Variants in PTPN9 observed in about 807,000 individuals in gnomAD.
The protein encoded by PTPN9 is tyrosine-protein phosphatase non-receptor type 9.
A neutral mutation model predicts 69.8 loss-of-function variants in PTPN9; 26 were observed. The ratio of observed to expected loss-of-function variants is 0.37; its 90% CI spans 0.27 to 0.52. The LOEUF is 0.52. Among genes scored for constraint, PTPN9 ranks in the 20% least tolerant of loss-of-function variants. The pLI is 0.91. For missense variants in PTPN9, 549 were observed against 740.3 expected, an observed-to-expected ratio of 0.74 and a Z score of 3.00; for synonymous variants, 274 against 272.5, an observed-to-expected ratio of 1.01 and a Z score of -0.05.
At chr15:75,561,050 C>T (rs2075102153) in intron 1 of PTPN9, among the ~76,000 whole-genome samples, 1 of 151,120 alleles carries the variant, frequency 6.6e-6, no homozygotes. Context: ...GGCATGGCGG[C>T]CCATGCCTGT....
At chr15:75,484,591 C>T (rs940209656) in intron 8 of PTPN9, among the ~76,000 whole-genome samples, 1 of 152,256 alleles carries the variant, frequency 6.6e-6, no homozygotes, top group East Asian at 1.9e-4. Context: ...TTGATCCAGG[C>T]TGATAAAAGA....
rs572972482 is a variant in PTPN9 at position 75,515,943 on chromosome 15, A to T, written c.528+1316T>A. On this transcript the variant is annotated intron_variant, in intron 5 of 12. Transcript: ENST00000618819. Reference sequence around the variant, plus strand: ...AAAATAAAACAAAATAAAATAAAAAATAAATTTTAAAGAGTACATAGAGAT... The same window carrying T: ...AAAATAAAACAAAATAAAATAAAAATTAAATTTTAAAGAGTACATAGAGAT... 3.2e-3 allele frequency among the ~76,000 whole-genome samples: 484 copies of T among 152,206 alleles called. 1 individual carries two copies. Among genetic ancestry groups the T allele is most frequent in the African/African-American group, 0.011 (457 of 41,578 alleles).
At chr15:75,566,115 C>CA (rs900612672) in intron 1 of PTPN9, among the ~76,000 whole-genome samples, 1 of 151,408 alleles carries the variant, frequency 6.6e-6, no homozygotes, top group African/African-American at 2.4e-5. Flanking sequence ...AGCAGATCTC[C>CA]AAAAAACTTA....
intron 5 of PTPN9, among the ~76,000 whole-genome samples, chr15:75,510,899 C>A (rs560588354): frequency 6.6e-6 from 1 of 151,594 alleles, no homozygotes; most frequent in Admixed American, 6.6e-5. Context: ...TCCCTAGTAA[C>A]CTTGGTTCTA....
At chr15:75,480,739 G>A in intron 8 of PTPN9, 1 of 1,295,286 alleles carries the variant, frequency 7.7e-7, no homozygotes. Flanking sequence ...GCGGGCAGCG[G>A]AGCTGTCTCA....
intron 8 of PTPN9, among the ~76,000 whole-genome samples, chr15:75,481,809 C>A (rs1449952938): frequency 7.6e-6 from 1 of 131,978 alleles, no homozygotes; most frequent in African/African-American, 2.8e-5. Flanking sequence ...GCCCGGCCAG[C>A]CGCCCCGTCC....
intron 5 of PTPN9, among the ~76,000 whole-genome samples, chr15:75,516,590 G>T (rs1157210873): frequency 6.6e-6 from 1 of 151,608 alleles, no homozygotes. Context: ...GAGATTACTG[G>T]TGTAAGCCAC....
intron 7 of PTPN9, among the ~76,000 whole-genome samples, chr15:75,493,063 GA>G (rs994648985): frequency 5.3e-5 from 8 of 152,166 alleles, no homozygotes; most frequent in African/African-American, 1.7e-4. Flanking sequence ...GCTGAGGTAG[GA>G]GGATCACCTA....
chr15:75,512,091 C>T (rs989867764), intron 5 of PTPN9, among the ~76,000 whole-genome samples: 1 of 152,142 alleles, frequency 6.6e-6, no homozygotes. Flanking sequence ...GTGATCCGCC[C>T]ATCTTGGCCT....
At chr15:75,548,595 G>A (rs541517218) in intron 1 of PTPN9, among the ~76,000 whole-genome samples, 1 of 151,060 alleles carries the variant, frequency 6.6e-6, no homozygotes, top group Admixed American at 6.6e-5. Context: ...ACAGATGGTG[G>A]TATTGCTTTT....
intron 7 of PTPN9, among the ~76,000 whole-genome samples, chr15:75,504,292 C>CGGGA (rs2074799841): frequency 2.4e-5 from 3 of 125,784 alleles, no homozygotes; most frequent in Admixed American, 7.7e-5. Flanking sequence ...CCGCCCCGTC[C>CGGGA]GGGAGGTGAG....
intron 7 of PTPN9, among the ~76,000 whole-genome samples, chr15:75,504,464 G>A (rs1179241994): frequency 2.7e-5 from 3 of 111,444 alleles, no homozygotes; most frequent in Admixed American, 8.5e-5. Context: ...CCAGCCGCCC[G>A]GTCCGGGAGG....
chr15:75,490,187 A>C, intron 8 of PTPN9, 21 bp downstream of exon 8: 1 of 1,562,930 alleles, frequency 6.4e-7, no homozygotes, highest in Non-Finnish European at 8.8e-7. Context: ...GCACCTAAAA[A>C]GATTACATTT....
chr15:75,537,443 TAAAAAAAAA>T (rs71140168), intron 1 of PTPN9, among the ~76,000 whole-genome samples: 3 of 20,344 alleles, frequency 1.5e-4, no homozygotes, highest in Non-Finnish European at 2.5e-4. Flanking sequence ...ATATCTTCCC[TAAAAAAAAA>T]AAAAAAAAAA....
At chr15:75,496,428 A>T (rs1397333977) in intron 7 of PTPN9, among the ~76,000 whole-genome samples, 1 of 152,086 alleles carries the variant, frequency 6.6e-6, no homozygotes, top group African/African-American at 2.4e-5. Context: ...GAGTAGTCAA[A>T]ATGAAAGTGG....
At position 75,465,745 on chromosome 15, in the gene PTPN9, A is replaced by G. The variant is rs2141666340; in HGVS notation, c.*3024T>C. 6.6e-6 allele frequency: 1 copy of G among 152,366 alleles called. No individual in the cohort carries two copies. Among genetic ancestry groups the G allele is most frequent in the South Asian group, 2.1e-4 (1 of 4,830 alleles). 9.4% of individuals were successfully genotyped at this position (152,366 alleles called of 1,614,324 possible). A position where few individuals can be genotyped will look rare whatever the true frequency, so the allele number is the denominator to read the frequency against. On this transcript the variant is annotated 3_prime_UTR_variant, in exon 13 of 13. Transcript: ENST00000618819. ...ATTTTATGGAGCTGAAGTGATAGAT[A>G]ACCTCACCAGTCTTCAGATATGCAA...
intron 1 of PTPN9, among the ~76,000 whole-genome samples, chr15:75,537,030 G>C (rs531351733): frequency 4.6e-5 from 7 of 152,158 alleles, no homozygotes; most frequent in Non-Finnish European, 7.4e-5. Context: ...AAGAACAAAG[G>C]AACTTTTACA....
chr15:75,566,686 A>G (rs2075127678), intron 1 of PTPN9, among the ~76,000 whole-genome samples: 1 of 152,144 alleles, frequency 6.6e-6, no homozygotes, highest in Non-Finnish European at 1.5e-5. Context: ...CTCAAAAAAA[A>G]AAAAAGAAAG....
At chr15:75,500,836 A>G (rs796588402) in intron 7 of PTPN9, among the ~76,000 whole-genome samples, 5 of 152,208 alleles carry the variant, frequency 3.3e-5, no homozygotes, top group African/African-American at 9.6e-5. Context: ...GCAGTGAGCC[A>G]TGATCATGCC....
Sources: gnomAD v4.1 joint callset for allele counts (sites outside exome capture counted in the v4.1 genomes callset) on GRCh38, gnomAD v4.1.1 for gene constraint, MANE v1.5 for transcripts, NCBI Gene and HGNC (gene_info 2026-07-23, HGNC 2026-07-21) for gene names.